Variants in LIPH observed in about 807,000 individuals in gnomAD.
The protein encoded by LIPH is lipase H.
In LIPH, 32 loss-of-function variants were observed where a neutral mutation model predicts 47.6. That is an observed-to-expected ratio of 0.67 (90% confidence interval 0.51 to 0.90). LIPH has a LOEUF of 0.90. Ranked by LOEUF, LIPH falls within the 40% of genes least tolerant of loss-of-function variation. The probability of loss-of-function intolerance (pLI) is 0.00; values close to 1 mark genes in which losing one functional copy is unlikely to be tolerated. For missense variants in LIPH, 497 were observed against 541.4 expected (o/e 0.92, Z 0.81); for synonymous variants, 190 against 195.6 (o/e 0.97, Z 0.24).
chr3:185,511,425 A>C (rs901520521), intron 9 of LIPH, 99 bp downstream of exon 9: 1 of 1,122,512 alleles, frequency 8.9e-7, no homozygotes, highest in Non-Finnish European at 1.4e-6. Context: ...CTCATTGTGA[A>C]TAATAGAGTC....
chr3:185,544,344 TTTTTG>T (rs1553826311), intron 1 of LIPH, among the ~76,000 whole-genome samples: 1 of 151,702 alleles, frequency 6.6e-6, no homozygotes, highest in African/African-American at 2.4e-5. Context: ...CTGTTGTTTT[TTTTTG>T]TTTTGTTTTG....
At chr3:185,524,414 T>C (rs1577672818) in intron 4 of LIPH, among the ~76,000 whole-genome samples, 1 of 151,884 alleles carries the variant, frequency 6.6e-6, no homozygotes, top group South Asian at 2.1e-4. Context: ...TAGTCACTCA[T>C]CCACTGCAAG....
chr3:185,533,339 C>T (rs1720396352), intron 3 of LIPH, among the ~76,000 whole-genome samples: 1 of 152,180 alleles, frequency 6.6e-6, no homozygotes, highest in African/African-American at 2.4e-5. Context: ...AGTCACTACT[C>T]ATCTTTTCTA....
chr3:185,532,402 C>G (rs1437715610), intron 3 of LIPH, among the ~76,000 whole-genome samples: 3 of 151,710 alleles, frequency 2.0e-5, no homozygotes, highest in African/African-American at 7.3e-5. Flanking sequence ...GTCCCAGCTA[C>G]TTGAGAGGCT....
rs920894880 is a variant in LIPH, at chr3:185,507,849, C to T, written c.*941G>A. On this transcript the variant is annotated 3_prime_UTR_variant, in exon 10 of 10. Coordinates refer to ENST00000296252, the MANE Select transcript of LIPH (RefSeq NM_139248.3). Reference sequence around the variant, plus strand: ...AATTTCCTTCAATAATCATAGATTACATTGGTAATAAAGAAACATAAACAT... The same window carrying T: ...AATTTCCTTCAATAATCATAGATTATATTGGTAATAAAGAAACATAAACAT... 1.1e-4 allele frequency: 17 copies of T among 152,108 alleles called. No individual in the cohort carries two copies. The highest frequency in any genetic ancestry group is 4.1e-4 in the African/African-American group (17 of 41,414). 9.4% of individuals were successfully genotyped at this position (152,108 alleles called of 1,614,324 possible).
At chr3:185,528,355 A>AAAGC (rs1720194550) in intron 3 of LIPH, among the ~76,000 whole-genome samples, 1 of 151,726 alleles carries the variant, frequency 6.6e-6, no homozygotes, top group Non-Finnish European at 1.5e-5. Flanking sequence ...AGAAAGAAAG[A>AAAGC]AAGCGCTATA....
intron 3 of LIPH, among the ~76,000 whole-genome samples, chr3:185,529,963 A>AC (rs1720273928): frequency 2.2e-5 from 1 of 45,702 alleles, no homozygotes; most frequent in East Asian, 6.7e-4. Context: ...AGAAAGAAAG[A>AC]AGGAAAGAAA....
At chr3:185,528,653 G>A (rs967169742) in intron 3 of LIPH, among the ~76,000 whole-genome samples, 2 of 152,124 alleles carry the variant, frequency 1.3e-5, no homozygotes, top group East Asian at 1.9e-4. Context: ...AGGAGAGGGC[G>A]AAACTCACTG....
Position 185,552,440 on chromosome 3 carries a change from A to C in LIPH, c.32T>G (p.Leu11Trp). Residue 11 changes from leucine to tryptophan, a missense_variant, in exon 1 of 10, where the codon TTG (leucine) becomes TGG (tryptophan). Coordinates refer to ENST00000296252, the MANE Select transcript of LIPH (RefSeq NM_139248.3). MLRFYLFISL[L>W]CLSRSDAEET... is the part of the protein sequence containing the mutation. ...TAACCTACCTGATCTTGACAAGCACAACAAACTGATGAATAAGTAGAATCT... is the reference window on the plus strand; with the variant it reads ...TAACCTACCTGATCTTGACAAGCACCACAAACTGATGAATAAGTAGAATCT... 1 of 1,609,346 alleles carries C rather than the reference A, an allele frequency of 6.2e-7. No homozygotes were observed. Among genetic ancestry groups the C allele is most frequent in the Non-Finnish European group, 8.5e-7 (1 of 1,175,664 alleles).
At chr3:185,539,872 C>T (rs1241089058) in intron 1 of LIPH, among the ~76,000 whole-genome samples, 1 of 152,242 alleles carries the variant, frequency 6.6e-6, no homozygotes, top group Non-Finnish European at 1.5e-5. Flanking sequence ...CCGATAGCCT[C>T]CAGCTGCCCC....
intron 1 of LIPH, among the ~76,000 whole-genome samples, chr3:185,551,404 C>T (rs1211957815): frequency 6.6e-6 from 1 of 152,156 alleles, no homozygotes; most frequent in Non-Finnish European, 1.5e-5. Flanking sequence ...AGTTTACCAA[C>T]AAATTTAAGT....
intron 5 of LIPH, among the ~76,000 whole-genome samples, chr3:185,520,495 C>T (rs899054475): frequency 2.0e-5 from 3 of 150,502 alleles, no homozygotes; most frequent in South Asian, 2.1e-4. Flanking sequence ...CCAGCCTGGG[C>T]GATAGAGCAA....
intron 1 of LIPH, among the ~76,000 whole-genome samples, chr3:185,539,563 G>A (rs1258935521): frequency 6.6e-6 from 1 of 151,388 alleles, no homozygotes; most frequent in Non-Finnish European, 1.5e-5. Context: ...TAGAGACGGG[G>A]TTTCACCTTG....
chr3:185,526,703 A>G (rs1025834865), intron 4 of LIPH, among the ~76,000 whole-genome samples: 1 of 144,048 alleles, frequency 6.9e-6, no homozygotes, highest in African/African-American at 2.6e-5. Flanking sequence ...TAAATAAAAT[A>G]AAATAAATAA....
intron 1 of LIPH, among the ~76,000 whole-genome samples, chr3:185,537,316 G>A (rs1043172852): frequency 3.9e-5 from 6 of 152,044 alleles, no homozygotes; most frequent in African/African-American, 1.2e-4. Flanking sequence ...AAAAAGTTAA[G>A]GAGGCTTTGA....
intron 1 of LIPH, chr3:185,546,756 G>A (rs1720885779): frequency 2.9e-5 from 9 of 314,346 alleles, no homozygotes; most frequent in South Asian, 2.1e-4. Flanking sequence ...TGTGAGCTGC[G>A]ATCACACTAC....
intron 1 of LIPH, among the ~76,000 whole-genome samples, chr3:185,548,815 C>T (rs181034553): frequency 6.6e-6 from 1 of 152,034 alleles, no homozygotes; most frequent in Admixed American, 6.6e-5. Flanking sequence ...GAAAGGATTA[C>T]AGTTGGACAG....
chr3:185,523,299 G>A lies in LIPH; in HGVS notation c.718+772C>T, dbSNP rs115290262. Among the ~76,000 whole-genome samples the A allele has an allele frequency of 1.6e-3, 247 of 152,226 alleles. 1 individual carries two copies. Among genetic ancestry groups the A allele is most frequent in the African/African-American group, 5.7e-3 (238 of 41,540 alleles). ...CTATAGTTTTAAAAGTAGTATATTT[G>A]AGTTATAATTTATAATTTATATTTA... On this transcript the variant is annotated intron_variant, in intron 5 of 9. Coordinates refer to ENST00000296252, the MANE Select transcript of LIPH (RefSeq NM_139248.3).
intron 6 of LIPH, among the ~76,000 whole-genome samples, chr3:185,517,506 G>A (rs1719767179): frequency 6.6e-6 from 1 of 152,160 alleles, no homozygotes; most frequent in African/African-American, 2.4e-5. Flanking sequence ...ACAGATTCAA[G>A]TTCATACCTA....
Sources: allele counts gnomAD v4.1 joint callset (sites outside exome capture counted in the v4.1 genomes callset), GRCh38; gene constraint gnomAD v4.1.1; transcripts MANE v1.5; gene names NCBI Gene and HGNC (gene_info 2026-07-23, HGNC 2026-07-21).